Variants in CDH13 observed in about 807,000 individuals in gnomAD.
The protein encoded by CDH13 is cadherin-13.
Under a neutral mutation model 63.8 loss-of-function variants are expected in CDH13, and 24 were observed. The observed-to-expected ratio is 0.38, with a 90% CI of 0.27 to 0.53. The LOEUF (loss-of-function observed/expected upper bound fraction) is 0.53. CDH13 is among the 20% of genes least tolerant of loss of function. The pLI is 0.85. For synonymous variants in CDH13, 503 were observed against 355.3 expected (o/e 1.42, Z -4.67); for missense variants, 1,049 against 903.1 (o/e 1.16, Z -2.07).
chr16:83,422,245 GA>G (rs2071737490), intron 6 of CDH13, among the ~76,000 whole-genome samples: 1 of 152,102 alleles, frequency 6.6e-6, no homozygotes, highest in Admixed American at 6.5e-5. Context: ...TCGTTTTGAA[GA>G]TGTTGTATCA....
At chr16:82,815,942 G>T (rs896184966) in intron 1 of CDH13, among the ~76,000 whole-genome samples, 1 of 152,150 alleles carries the variant, frequency 6.6e-6, no homozygotes. Flanking sequence ...GTTTAGGACT[G>T]ATAAAATACA....
intron 6 of CDH13, among the ~76,000 whole-genome samples, chr16:83,395,025 G>A (rs1230081232): frequency 1.3e-5 from 2 of 151,846 alleles, no homozygotes; most frequent in East Asian, 3.9e-4. Context: ...GTGGGCACCT[G>A]TAATCCCAGG....
At chr16:83,378,287 G>T (rs992156216) in intron 6 of CDH13, among the ~76,000 whole-genome samples, 3 of 152,172 alleles carry the variant, frequency 2.0e-5, no homozygotes, top group African/African-American at 7.2e-5. Context: ...CAGACTAGGA[G>T]TGGGAGAGCT....
chr16:83,160,452 G>A (rs2037399668), intron 4 of CDH13, among the ~76,000 whole-genome samples: 1 of 152,134 alleles, frequency 6.6e-6, no homozygotes. Context: ...GGAGATGAAG[G>A]GTGGGAGCTT....
chr16:83,267,433 C>A (rs2088658357), intron 5 of CDH13, among the ~76,000 whole-genome samples: 1 of 152,154 alleles, frequency 6.6e-6, no homozygotes, highest in Admixed American at 6.5e-5. Flanking sequence ...GAGAGAGCAG[C>A]TCTCCCTTTC....
intron 4 of CDH13, among the ~76,000 whole-genome samples, chr16:83,133,474 G>A (rs543059865): frequency 3.7e-4 from 57 of 152,006 alleles, no homozygotes; most frequent in Non-Finnish European, 7.2e-4. Flanking sequence ...TGTAAATAAG[G>A]CCTATTTTTG....
At chr16:83,154,091 G>A (rs552869709) in intron 4 of CDH13, among the ~76,000 whole-genome samples, 13 of 152,226 alleles carry the variant, frequency 8.5e-5, no homozygotes, top group East Asian at 3.9e-4. Context: ...AGCCTGTGGC[G>A]TGTGAGTCAC....
chr16:83,582,756 A>G (rs1282852219), intron 7 of CDH13, among the ~76,000 whole-genome samples: 1 of 152,190 alleles, frequency 6.6e-6, no homozygotes, highest in Admixed American at 6.5e-5. Context: ...GAGCTTCCTG[A>G]AGACTGAGCT....
chr16:82,803,589 AAAG>A (rs1446768977), intron 1 of CDH13, among the ~76,000 whole-genome samples: 1 of 152,218 alleles, frequency 6.6e-6, no homozygotes, highest in Admixed American at 6.5e-5. Flanking sequence ...TATAGGATGA[AAAG>A]AAGAATAATG....
chr16:82,761,112 C>T (rs1314431737), intron 1 of CDH13, among the ~76,000 whole-genome samples: 1 of 139,952 alleles, frequency 7.1e-6, no homozygotes, highest in Non-Finnish European at 1.5e-5. Context: ...CAACCTCTGC[C>T]TTCCAGGTTC....
At chr16:83,013,057 C>T (rs117497354) in intron 2 of CDH13, among the ~76,000 whole-genome samples, 4,647 of 152,222 alleles carry the variant, frequency 0.031, 102 homozygotes, top group Non-Finnish European at 0.045. Context: ...TGGCTTAGAG[C>T]AGATCTCTTG....
chr16:82,800,125 C>T (rs2036779591), intron 1 of CDH13, among the ~76,000 whole-genome samples: 1 of 152,098 alleles, frequency 6.6e-6, no homozygotes, highest in South Asian at 2.1e-4. Context: ...ATTTGTCTGT[C>T]TTGTCAATAA....
chr16:82,986,041 C>A (rs1043632315), intron 2 of CDH13, among the ~76,000 whole-genome samples: 2 of 152,178 alleles, frequency 1.3e-5, no homozygotes, highest in Admixed American at 6.5e-5. Context: ...CACCTTTCTT[C>A]TTTTTAAACT....
chr16:83,395,594 A>G (rs2091872485), intron 6 of CDH13, among the ~76,000 whole-genome samples: 1 of 152,052 alleles, frequency 6.6e-6, no homozygotes. Flanking sequence ...GTTGACATTG[A>G]AGTGTTGAAG....
chr16:83,460,649 G>T (rs1044005611), intron 6 of CDH13, among the ~76,000 whole-genome samples: 3 of 152,126 alleles, frequency 2.0e-5, no homozygotes, highest in Non-Finnish European at 4.4e-5. Flanking sequence ...ATTAGGTTTA[G>T]AAACAGATAA....
intron 5 of CDH13, among the ~76,000 whole-genome samples, chr16:83,236,080 G>A (rs1383725734): frequency 2.6e-5 from 4 of 152,144 alleles, no homozygotes; most frequent in Non-Finnish European, 4.4e-5. Context: ...TTTTAAGCCT[G>A]GTAGAAGTAC....
At chr16:83,441,340 A>G (rs1405043308) in intron 6 of CDH13, among the ~76,000 whole-genome samples, 1 of 152,228 alleles carries the variant, frequency 6.6e-6, no homozygotes, top group Non-Finnish European at 1.5e-5. Context: ...GGAAAAACAC[A>G]ATACATTTAC....
intron 1 of CDH13, among the ~76,000 whole-genome samples, chr16:82,664,262 C>T (rs1278700262): frequency 4.6e-5 from 7 of 152,234 alleles, no homozygotes; most frequent in African/African-American, 1.7e-4. Context: ...GTCTCTCCTC[C>T]TCAGATGGAT....
rs571157424 is a variant in CDH13 at position 83,461,374 on chromosome 16, G to T, written c.782-25103G>T. ...TTAAAATCTGGCTCATCCAGAGCAG[G>T]TGAGGGATGATGATGATTGAATCAG... On this transcript the variant is annotated intron_variant, in intron 6 of 13. Coordinates refer to ENST00000567109, the MANE Select transcript of CDH13 (RefSeq NM_001257.5). Among the ~76,000 whole-genome samples, 13 of 152,264 alleles carry T rather than the reference G, an allele frequency of 8.5e-5. No individual in the cohort carries two copies. In the South Asian group the frequency reaches 2.7e-3, roughly 32 times the overall value.
Sources: gnomAD v4.1 joint callset for allele counts (sites outside exome capture counted in the v4.1 genomes callset) on GRCh38, gnomAD v4.1.1 for gene constraint, MANE v1.5 for transcripts, NCBI Gene and HGNC (gene_info 2026-07-23, HGNC 2026-07-21) for gene names.